EFNB3: variants seen among roughly 807,000 people sequenced by gnomAD.
The protein encoded by EFNB3 is ephrin-B3.
Under a neutral mutation model 29.8 loss-of-function variants are expected in EFNB3, and 14 were observed. The ratio of observed to expected loss-of-function variants is 0.47; its 90% CI spans 0.31 to 0.73. The LOEUF (loss-of-function observed/expected upper bound fraction) is 0.73, where lower values mean the gene tolerates loss of function less well. Among genes scored for constraint, EFNB3 ranks in the 30% least tolerant of loss-of-function variants. The pLI, the probability that EFNB3 is intolerant of heterozygous loss-of-function variation, is 0.05. For missense variants in EFNB3, 408 were observed against 458.0 expected (o/e 0.89, Z 1.00); for synonymous variants, 216 against 191.6 (o/e 1.13, Z -1.05).
rs771499909 is a variant in EFNB3, at chr17:7,708,227, C to T, written c.392C>T (p.Ser131Leu). The T allele has an allele frequency of 3.7e-6, 6 of 1,609,876 alleles. No homozygotes were observed. In the Admixed American group the frequency reaches 5.0e-5, roughly 13 times the overall value. Residue 131 changes from serine (S) to leucine (L), a missense_variant, in exon 2 of 5, where the codon TCG becomes TTG. Around this residue, in one of 3 missense-constraint regions of EFNB3, gnomAD observed 47 missense variants for 86.6 expected, o/e 0.54. Transcript: ENST00000226091. The surrounding 1 kb of genome is among the most constrained non-coding windows in gnomAD (Gnocchi z 6.8). The part of the protein sequence containing the change: ...SPNLWGHEFR[S>L]HHDYYIIATS... ...AATCTCTGGGGCCACGAGTTCCGCT[C>T]GCACCACGATTACTACATCATTGGT...
Position 7,709,829 on chromosome 17 carries a change from G to C in EFNB3, c.*253G>C. On this transcript the variant is annotated 3_prime_UTR_variant, in exon 5 of 5. Coordinates refer to ENST00000226091, the MANE Select transcript of EFNB3 (RefSeq NM_001406.4). The surrounding 1 kb of genome is among the most constrained non-coding windows in gnomAD (Gnocchi z 4.5). ...TCCCTGGATCCTTTTTCCTTGGGGA[G>C]GGGCACAGGCTCAGCCTCCTCTCTG... The C allele has an allele frequency of 1.7e-6, 1 of 575,064 alleles. No homozygotes were observed. The highest frequency in any genetic ancestry group is 3.1e-5 in the East Asian group (1 of 32,184). The allele number at this position is 575,064 out of a possible 1,614,324, so 35.6% of individuals were successfully genotyped here.
Position 7,708,012 on chromosome 17 carries a change from CCTG to C in EFNB3, c.180_182del (p.Leu61del). On this transcript the variant is annotated inframe_deletion, in exon 2 of 5. Coordinates refer to ENST00000226091, the MANE Select transcript of EFNB3 (RefSeq NM_001406.4). The surrounding 1 kb of genome is among the most constrained non-coding windows in gnomAD (Gnocchi z 6.8). The stretch of plus-strand genomic sequence containing the variant: ...ACCCTCAGATCGGGGACCGGCTAGA[CCTG>C]CTCTGCCCCCGGGCCCGGCCTCCTG... The C allele has an allele frequency of 6.2e-7, 1 of 1,614,002 alleles. No homozygotes were observed. Among genetic ancestry groups the C allele is most frequent in the Non-Finnish European group, 8.5e-7 (1 of 1,179,998 alleles).
chr17:7,710,755 A>G lies in EFNB3; in HGVS notation c.*1179A>G, dbSNP rs2074347007. ...CTCCCTTCCCTTGTGCTCTGTGCTG[A>G]TTTTAGGACAGCTAAGATGACTGCC... On this transcript the variant is annotated 3_prime_UTR_variant, in exon 5 of 5. Coordinates refer to ENST00000226091, the MANE Select transcript of EFNB3 (RefSeq NM_001406.4). 6.6e-6 allele frequency: 1 copy of G among 152,596 alleles called. No individual in the cohort carries two copies. The highest frequency in any genetic ancestry group is 6.5e-5 in the Admixed American group (1 of 15,272). The allele number at this position is 152,596 out of a possible 1,614,324, so 9.5% of individuals were successfully genotyped here.
intron 1 of EFNB3, among the ~76,000 whole-genome samples, chr17:7,707,415 C>T (rs2074331020): frequency 6.6e-6 from 1 of 152,200 alleles, no homozygotes; most frequent in East Asian, 1.9e-4. Flanking sequence ...CAGGCATTTG[C>T]CTTCTGTGCT....
Position 7,708,320 on chromosome 17 carries a change from T to G in EFNB3, c.415+70T>G. 1.3e-6 allele frequency: 2 copies of G among 1,584,330 alleles called. No homozygotes were observed. Among genetic ancestry groups the G allele is most frequent in the Non-Finnish European group, 8.6e-7 (1 of 1,164,078 alleles). ...CTGAGCAGAGAGGGAGGGGGACCCCTGCAGCCAAGAGGGAGATCCCAGTGC... is the reference window on the plus strand; with the variant it reads ...CTGAGCAGAGAGGGAGGGGGACCCCGGCAGCCAAGAGGGAGATCCCAGTGC... On this transcript the variant is annotated intron_variant, in intron 2 of 4. Transcript: ENST00000226091. This position sits in a 1 kb window ranked among gnomAD's most constrained non-coding sequence, Gnocchi z 6.8.
At chr17:7,707,892 A>G in intron 1 of EFNB3, 66 bp from the exon 2 acceptor site, 1 of 1,521,928 alleles carries the variant, frequency 6.6e-7, no homozygotes, top group African/African-American at 1.4e-5. Context: ...GGGGTGAGGG[A>G]AGGAAAGTTC....
chr17:7,708,612 C>T lies in EFNB3; in HGVS notation c.509-23C>T. On this transcript the variant is annotated intron_variant, in intron 3 of 4. Transcript: ENST00000226091. This position sits in a 1 kb window ranked among gnomAD's most constrained non-coding sequence, Gnocchi z 6.8. ...GGTTGGGGCAGTTGTCTCAGCCCCT[C>T]TCTGGGTCTTCCTCATCTCCAGGTC... 6.3e-7 allele frequency: 1 copy of T among 1,581,298 alleles called. No homozygotes were observed. Among genetic ancestry groups the T allele is most frequent in the Non-Finnish European group, 8.6e-7 (1 of 1,162,730 alleles).
In EFNB3 at chr17:7,709,091, A is replaced by AGGGTTGG; in HGVS notation, c.614-74_614-68dup. ...ACAAGGGAAGCCCATGGGGACCCCC[A>AGGGTTGG]GGGTTGGGTGTCCAGGTGCCCAGGT... On this transcript the variant is annotated intron_variant, in intron 4 of 4. Transcript: ENST00000226091. This position sits in a 1 kb window ranked among gnomAD's most constrained non-coding sequence, Gnocchi z 4.5. 1 of 1,454,304 alleles carries AGGGTTGG rather than the reference A, an allele frequency of 6.9e-7. No homozygotes were observed. The highest frequency in any genetic ancestry group is 1.4e-5 in the African/African-American group (1 of 70,574). The allele number at this position is 1,454,304 out of a possible 1,614,324, so 90.1% of individuals were successfully genotyped here.
chr17:7,708,861 A>G lies in EFNB3; in HGVS notation c.613+122A>G, dbSNP rs1002949605. The G allele has an allele frequency of 1.1e-5, 8 of 720,136 alleles. No homozygotes were observed. In the Admixed American group the frequency reaches 1.5e-4, roughly 14 times the overall value. The allele number at this position is 720,136 out of a possible 1,614,324, so 44.6% of individuals were successfully genotyped here. On this transcript the variant is annotated intron_variant, in intron 4 of 4. Coordinates refer to ENST00000226091, the MANE Select transcript of EFNB3 (RefSeq NM_001406.4). This position sits in a 1 kb window ranked among gnomAD's most constrained non-coding sequence, Gnocchi z 6.8. ...GGGCGGTGATACAGGAAAGAGGAGA[A>G]GAGAGGATGGGAGGGTGGGAGGGGA...
In EFNB3 at chr17:7,708,573, G is replaced by C. The variant is rs200531566; in HGVS notation, c.508+46G>C. 1 of 1,601,232 alleles carries C rather than the reference G, an allele frequency of 6.2e-7. No individual in the cohort carries two copies. The highest frequency in any genetic ancestry group is 8.5e-7 in the Non-Finnish European group (1 of 1,173,504). On this transcript the variant is annotated intron_variant, in intron 3 of 4. Coordinates refer to ENST00000226091, the MANE Select transcript of EFNB3 (RefSeq NM_001406.4). The surrounding 1 kb of genome is among the most constrained non-coding windows in gnomAD (Gnocchi z 6.8). ...CCTCCTGGGCACGAAGGGACGTTGG[G>C]GCAGTACGATCATGGTTGGGGCAGT...
At position 7,709,917 on chromosome 17, in the gene EFNB3, CT is replaced by C; in HGVS notation, c.*345del. ...AGAGCTAGGGGCGGGAACAGCCCAC[CT>C]TTTGGTTGGCACCGCCTTCTTTCTG... On this transcript the variant is annotated 3_prime_UTR_variant, in exon 5 of 5. Transcript: ENST00000226091. This position sits in a 1 kb window ranked among gnomAD's most constrained non-coding sequence, Gnocchi z 4.5. The C allele has an allele frequency of 2.3e-6, 1 of 426,988 alleles. No homozygotes were observed. The highest frequency in any genetic ancestry group is 4.2e-6 in the Non-Finnish European group (1 of 237,910). The allele number at this position is 426,988 out of a possible 1,614,324, so 26.4% of individuals were successfully genotyped here.
chr17:7,708,188 A>G lies in EFNB3; in HGVS notation c.353A>G (p.Gln118Arg). ...GATCTCCGCTTCACCATCAAGTTCC[A>G]GGAGTATAGCCCTAATCTCTGGGGC... Reference protein sequence around the residue: ...DLDLRFTIKFQEYSPNLWGHE... With the variant: ...DLDLRFTIKFREYSPNLWGHE... The change falls in exon 2 of 5, where the codon CAG becomes CGG. Residue 118 changes from glutamine (Q) to arginine (R), a missense_variant. By Grantham distance (43) the Gln-to-Arg change is conservative. Transcript: ENST00000226091. This position sits in a 1 kb window ranked among gnomAD's most constrained non-coding sequence, Gnocchi z 6.8. The G allele has an allele frequency of 6.2e-7, 1 of 1,613,274 alleles. No homozygotes were observed. The highest frequency in any genetic ancestry group is 8.5e-7 in the Non-Finnish European group (1 of 1,180,026).
Position 7,711,070 on chromosome 17 carries a change from T to C in EFNB3, c.*1494T>C, listed in dbSNP as rs994621724. On this transcript the variant is annotated 3_prime_UTR_variant, in exon 5 of 5. Transcript: ENST00000226091. ...CCTCTTCCTGCCCTCTAGTGTGCAA[T>C]TGGGTGTTGCCTCAGTTTCCTCCCA... The C allele has an allele frequency of 6.5e-6, 1 of 152,692 alleles. No individual in the cohort carries two copies. Among genetic ancestry groups the C allele is most frequent in the African/African-American group, 2.4e-5 (1 of 41,452 alleles). The allele number at this position is 152,692 out of a possible 1,614,324, so 9.5% of individuals were successfully genotyped here.
intron 1 of EFNB3, among the ~76,000 whole-genome samples, chr17:7,706,577 A>G (rs1213079485): frequency 1.3e-5 from 2 of 152,116 alleles, no homozygotes; most frequent in Non-Finnish European, 2.9e-5. Flanking sequence ...TCCCGCTCAT[A>G]AAAGAGTTCT....
chr17:7,709,034 G>T lies in EFNB3; in HGVS notation c.614-133G>T, dbSNP rs2074338469. On this transcript the variant is annotated intron_variant, in intron 4 of 4. Coordinates refer to ENST00000226091, the MANE Select transcript of EFNB3 (RefSeq NM_001406.4). This position sits in a 1 kb window ranked among gnomAD's most constrained non-coding sequence, Gnocchi z 4.5. ...TTCTGAGCAGAGTTCGGAGGGGGAG[G>T]AGAGATGGGGTCCCCAAGGGGCCTG... 2 of 927,756 alleles carry T rather than the reference G, an allele frequency of 2.2e-6. No individual in the cohort carries two copies. Among genetic ancestry groups the T allele is most frequent in the African/African-American group, 1.7e-5 (1 of 59,992 alleles). 57.5% of individuals were successfully genotyped at this position (927,756 alleles called of 1,614,324 possible).
rs1597427929 is a variant in EFNB3 at position 7,709,907 on chromosome 17, A to G, written c.*331A>G. On this transcript the variant is annotated 3_prime_UTR_variant, in exon 5 of 5. Coordinates refer to ENST00000226091, the MANE Select transcript of EFNB3 (RefSeq NM_001406.4). This position sits in a 1 kb window ranked among gnomAD's most constrained non-coding sequence, Gnocchi z 4.5. ...TCACCCACCCAGAGCTAGGGGCGGG[A>G]ACAGCCCACCTTTTGGTTGGCACCG... 2.3e-6 allele frequency: 1 copy of G among 443,424 alleles called. No homozygotes were observed. Among genetic ancestry groups the G allele is most frequent in the Non-Finnish European group, 4.0e-6 (1 of 248,202 alleles). 27.5% of individuals were successfully genotyped at this position (443,424 alleles called of 1,614,324 possible). A position where few individuals can be genotyped will look rare whatever the true frequency, so the allele number is the denominator to read the frequency against.
In EFNB3 at chr17:7,709,177, C is replaced by T. The variant is rs765440747; in HGVS notation, c.624C>T (p.Thr208=). 6.2e-7 allele frequency: 1 copy of T among 1,601,924 alleles called. No individual in the cohort carries two copies. Among genetic ancestry groups the T allele is most frequent in the African/African-American group, 1.3e-5 (1 of 74,608 alleles). ...CCCCTTCCCTGCCAGGTGACCCCAC[C>T]AGCAATGCAACCTCCCGGGGTGCTG... The part of the protein sequence containing the change: ...PGKENLPGDP[T]SNATSRGAEG... Residue 208 remains threonine (T), a synonymous_variant, in exon 5 of 5, where the codon ACC becomes ACT. Coordinates refer to ENST00000226091, the MANE Select transcript of EFNB3 (RefSeq NM_001406.4). The surrounding 1 kb of genome is among the most constrained non-coding windows in gnomAD (Gnocchi z 4.5).
chr17:7,710,891 C>G lies in EFNB3; in HGVS notation c.*1315C>G, dbSNP rs182708342. 1 of 152,792 alleles carries G rather than the reference C, an allele frequency of 6.5e-6. No individual in the cohort carries two copies. The highest frequency in any genetic ancestry group is 1.9e-4 in the East Asian group (1 of 5,188). 9.5% of individuals were successfully genotyped at this position (152,792 alleles called of 1,614,324 possible). A position where few individuals can be genotyped will look rare whatever the true frequency, so the allele number is the denominator to read the frequency against. ...AACCCATGTGCTCTCCCGAGTAACC[C>G]AGATGGCTGTCTTGTTCATTCCATC... is the stretch of plus-strand genomic sequence containing the variant. On this transcript the variant is annotated 3_prime_UTR_variant, in exon 5 of 5. Transcript: ENST00000226091.
chr17:7,709,164 C>T lies in EFNB3; in HGVS notation c.614-3C>T, dbSNP rs1047046842. On this transcript the variant is annotated splice_region_variant and splice_polypyrimidine_tract_variant and intron_variant, in intron 4 of 4. Transcript: ENST00000226091. This position sits in a 1 kb window ranked among gnomAD's most constrained non-coding sequence, Gnocchi z 4.5. ...CTTTCCTCCTTCACCCCTTCCCTGCCAGGTGACCCCACCAGCAATGCAACC... is the reference window on the plus strand; with the variant it reads ...CTTTCCTCCTTCACCCCTTCCCTGCTAGGTGACCCCACCAGCAATGCAACC... The T allele has an allele frequency of 1.0e-5, 16 of 1,597,626 alleles. No individual in the cohort carries two copies. Among genetic ancestry groups the T allele is most frequent in the Non-Finnish European group, 1.4e-5 (16 of 1,177,454 alleles).
Sources: gnomAD v4.1 joint callset for allele counts (sites outside exome capture counted in the v4.1 genomes callset) on GRCh38, gnomAD v4.1.1 for gene constraint, gnomAD v4.1.1 regional missense constraint, Gnocchi (gnomAD v3.1) non-coding constraint, MANE v1.5 for transcripts, NCBI Gene and HGNC (gene_info 2026-07-23, HGNC 2026-07-21) for gene names.